The following DNAH17 variants were observed in gnomAD, a reference collection of about 807,000 sequenced individuals.
DNAH17 encodes axonemal beta dynein heavy chain 17.
In DNAH17, 376 loss-of-function variants were observed where a neutral mutation model predicts 485.6. The ratio of observed to expected loss-of-function variants is 0.77; its 90% CI spans 0.71 to 0.84. The LOEUF is 0.84. Ranked by LOEUF, DNAH17 falls within the 40% of genes least tolerant of loss-of-function variation. The probability of loss-of-function intolerance (pLI) is 0.00; values close to 1 mark genes in which losing one functional copy is unlikely to be tolerated. For synonymous variants in DNAH17, 3,031 were observed against 2,405.9 expected (o/e 1.26, Z -7.60); for missense variants, 6,370 against 5,839.3 (o/e 1.09, Z -2.96).
At position 78,423,834 on chromosome 17, in the gene DNAH17, T is replaced by G; in HGVS notation, c.*72A>C. ...ACCACCAGTTCCTGTAAAGAATAAGTCACAGGTGCACAGGTGAAGGGCTGA... is the reference window on the plus strand; with the variant it reads ...ACCACCAGTTCCTGTAAAGAATAAGGCACAGGTGCACAGGTGAAGGGCTGA... On this transcript the variant is annotated 3_prime_UTR_variant, in exon 81 of 81. Coordinates refer to ENST00000389840, the MANE Select transcript of DNAH17 (RefSeq NM_173628.4). The G allele has an allele frequency of 6.4e-7, 1 of 1,565,560 alleles. No homozygotes were observed. The highest frequency in any genetic ancestry group is 8.7e-7 in the Non-Finnish European group (1 of 1,147,476).
rs371953573 is a variant in DNAH17, at chr17:78,560,195, C to CAT, written c.2031+543_2031+544dup. Among the ~76,000 whole-genome samples, 17 of 152,290 alleles carry CAT rather than the reference C, an allele frequency of 1.1e-4. 1 individual carries two copies. The highest frequency in any genetic ancestry group is 4.1e-4 in the African/African-American group (17 of 41,550). ...ATCACTAATTTATCCCAAGCACATA[C>CAT]ATGTAGTAGGTGCTCAGTAAGTATT... On this transcript the variant is annotated intron_variant, in intron 13 of 80. Transcript: ENST00000389840.
At chr17:78,495,830 C>A in intron 38 of DNAH17, 45 bp downstream of exon 38, 2 of 1,586,986 alleles carry the variant, frequency 1.3e-6, no homozygotes, top group South Asian at 1.1e-5. Flanking sequence ...TTGCTGTGGC[C>A]GGCCTGGCTC....
At chr17:78,567,403 G>C (rs918599436) in intron 9 of DNAH17, among the ~76,000 whole-genome samples, 1 of 152,078 alleles carries the variant, frequency 6.6e-6, no homozygotes, top group African/African-American at 2.4e-5. Flanking sequence ...TATGAGGTGT[G>C]AATGAGGAGG....
In DNAH17 at chr17:78,453,355, A is replaced by G. The variant is rs1281130133; in HGVS notation, c.10517T>C (p.Ile3506Thr). 1 of 1,613,428 alleles carries G rather than the reference A, an allele frequency of 6.2e-7. No homozygotes were observed. The highest frequency in any genetic ancestry group is 1.7e-4 in the Middle Eastern group (1 of 6,060). The change falls in exon 65 of 81, where the codon ATT becomes ACT. Residue 3506 changes from isoleucine (I) to threonine (T), a missense_variant. Transcript: ENST00000389840. Reference protein sequence around the residue: ...VLDPLLGRNTIKKGKYIKIGD... With the variant: ...VLDPLLGRNTTKKGKYIKIGD... ...GGAAACAACTCACTTTCCCTTTTTA[A>G]TCGTGTTCCTGCCCAGTAGAGGGTC...
intron 56 of DNAH17, among the ~76,000 whole-genome samples, chr17:78,466,247 G>A (rs1387646060): frequency 5.9e-5 from 9 of 152,108 alleles, no homozygotes; most frequent in Non-Finnish European, 1.2e-4. Flanking sequence ...CTCGTTAAGA[G>A]TCATCACCAC....
intron 18 of DNAH17, among the ~76,000 whole-genome samples, chr17:78,538,667 C>T (rs8071221): frequency 3.3e-5 from 5 of 151,980 alleles, no homozygotes; most frequent in African/African-American, 9.7e-5. Context: ...TGAGGAGAAC[C>T]CTTTGTTACT....
chr17:78,529,374 G>T, intron 22 of DNAH17, 98 bp downstream of exon 22: 4 of 1,175,074 alleles, frequency 3.4e-6, no homozygotes, highest in Non-Finnish European at 3.7e-6. Flanking sequence ...CTAGCCCACA[G>T]CATCCCCCAT....
intron 18 of DNAH17, 80 bp from the exon 19 acceptor site, chr17:78,537,561 C>G: frequency 6.8e-7 from 1 of 1,464,648 alleles, no homozygotes; most frequent in Non-Finnish European, 9.4e-7. Flanking sequence ...TCATCCACTC[C>G]GTACCATCAA....
At chr17:78,545,533 C>T (rs2091736815) in intron 16 of DNAH17, among the ~76,000 whole-genome samples, 3 of 152,074 alleles carry the variant, frequency 2.0e-5, no homozygotes, top group African/African-American at 4.8e-5. Flanking sequence ...AGTGAGCTCT[C>T]TCATGTCTGT....
At chr17:78,539,687 C>A (rs779942648) in intron 18 of DNAH17, 50 bp downstream of exon 18, 1 of 1,422,554 alleles carries the variant, frequency 7.0e-7, no homozygotes, top group South Asian at 1.5e-5. Flanking sequence ...TAGATTCTAA[C>A]AGATAAGAAT....
chr17:78,561,492 G>A (rs533090904), intron 12 of DNAH17, among the ~76,000 whole-genome samples: 1 of 152,142 alleles, frequency 6.6e-6, no homozygotes, highest in Non-Finnish European at 1.5e-5. Context: ...TACCAGGCTG[G>A]TGGGCAAGGG....
intron 69 of DNAH17, 36 bp from the exon 70 acceptor site, chr17:78,445,716 C>T: frequency 6.3e-7 from 1 of 1,577,332 alleles, no homozygotes; most frequent in Non-Finnish European, 8.6e-7. Flanking sequence ...CTTAACGCAG[C>T]CAGTAAAACG....
In DNAH17 at chr17:78,480,716, A is replaced by G. The variant is rs1180040360; in HGVS notation, c.7720T>C (p.Ser2574Pro). ...CTGGAGTCGATGGTGAAGGATCCGG[A>G]AGTGGGGTTCATGCAGGCCACGTAC... ...CQYVACMNPT[S>P]GSFTIDSRLQ... Residue 2574 changes from serine (S) to proline (P), a missense_variant, in exon 49 of 81, where the codon TCC (serine) becomes CCC (proline). Physicochemically the swap from Ser to Pro is moderately conservative, Grantham distance 74. Coordinates refer to ENST00000389840, the MANE Select transcript of DNAH17 (RefSeq NM_173628.4). The G allele has an allele frequency of 2.5e-6, 4 of 1,613,634 alleles. No homozygotes were observed. The highest frequency in any genetic ancestry group is 4.5e-5 in the East Asian group (2 of 44,854).
At chr17:78,510,256 G>A in intron 27 of DNAH17, 128 bp downstream of exon 27, 1 of 1,381,388 alleles carries the variant, frequency 7.2e-7, no homozygotes, top group Non-Finnish European at 9.9e-7. Context: ...GGTTGGGTAA[G>A]AAAGGCCCGC....
chr17:78,552,488 C>G (rs1407478043), intron 15 of DNAH17, among the ~76,000 whole-genome samples: 1 of 150,558 alleles, frequency 6.6e-6, no homozygotes, highest in Non-Finnish European at 1.5e-5. Flanking sequence ...TTGCCGGATT[C>G]CGTTTCTAAG....
At chr17:78,495,243 TC>T in intron 38 of DNAH17, 146 bp from the exon 39 acceptor site, 1 of 1,080,472 alleles carries the variant, frequency 9.3e-7, no homozygotes, top group Non-Finnish European at 1.3e-6. Context: ...GGAGCCGGGC[TC>T]CCAGCCCGCC....
chr17:78,558,377 G>C (rs2143624840), intron 13 of DNAH17, 123 bp from the exon 14 acceptor site: 1 of 1,209,236 alleles, frequency 8.3e-7, no homozygotes, highest in Non-Finnish European at 1.1e-6. Flanking sequence ...CTCAAAGTTG[G>C]TGGGAGGCAG....
intron 58 of DNAH17, among the ~76,000 whole-genome samples, 164 bp downstream of exon 58, chr17:78,461,380 G>A (rs2088117496): frequency 6.6e-6 from 1 of 152,130 alleles, no homozygotes; most frequent in African/African-American, 2.4e-5. Flanking sequence ...CCCTCCCCTG[G>A]GAGAGACTCC....
intron 27 of DNAH17, 27 bp from the exon 28 acceptor site, chr17:78,507,832 C>G: frequency 6.6e-7 from 1 of 1,509,318 alleles, no homozygotes; most frequent in African/African-American, 1.4e-5. Flanking sequence ...AAAATAAGGT[C>G]ACTGAGCATT....
Sources: gnomAD v4.1 joint callset for allele counts (sites outside exome capture counted in the v4.1 genomes callset) on GRCh38, gnomAD v4.1.1 for gene constraint, MANE v1.5 for transcripts, NCBI Gene and HGNC (gene_info 2026-07-23, HGNC 2026-07-21) for gene names.